Variants in EPS8L3 observed in about 807,000 individuals in gnomAD.
EPS8L3 encodes the protein epidermal growth factor receptor kinase substrate 8-like protein 3.
A neutral mutation model predicts 88.5 loss-of-function variants in EPS8L3; 80 were observed. That is an observed-to-expected ratio of 0.90 (90% CI 0.75 to 1.09). The LOEUF is 1.09. Among genes scored for constraint, EPS8L3 ranks in the 50% least tolerant of loss-of-function variants. EPS8L3 has a pLI of 0.00. For synonymous variants in EPS8L3, 286 were observed against 291.0 expected, an observed-to-expected ratio of 0.98 and a Z score of 0.18; for missense variants, 721 against 735.2, an observed-to-expected ratio of 0.98 and a Z score of 0.22.
At position 109,750,260 on chromosome 1, in the gene EPS8L3, C is replaced by A; in HGVS notation, c.*131G>T. 1 of 1,111,384 alleles carries A rather than the reference C, an allele frequency of 9.0e-7. No homozygotes were observed. The highest frequency in any genetic ancestry group is 1.3e-6 in the Non-Finnish European group (1 of 756,408). The allele number at this position is 1,111,384 out of a possible 1,614,324, so 68.8% of individuals were successfully genotyped here. A position where few individuals can be genotyped will look rare whatever the true frequency, so the allele number is the denominator to read the frequency against. On this transcript the variant is annotated 3_prime_UTR_variant, in exon 19 of 19. Coordinates refer to ENST00000361965, the MANE Select transcript of EPS8L3 (RefSeq NM_133181.4). ...CCTCTGGGCCTGTCCATTGTTTTTG[C>A]TGTGTGAGCTGGGGTGTGGGGTTTG...
At chr1:109,750,591 C>A (rs916874218) in intron 18 of EPS8L3, 69 bp downstream of exon 18, 18 of 1,607,746 alleles carry the variant, frequency 1.1e-5, no homozygotes, top group Non-Finnish European at 1.5e-5. Flanking sequence ...GCTTTTCCAA[C>A]TGGCCCTCTC....
chr1:109,758,019 T>G lies in EPS8L3; in HGVS notation c.757A>C (p.Met253Leu). ...NHVLRDIELF[M>L]GKLEKAQAKT... ...GCCTGGGCCTTCTCCAGCTTTCCCA[T>G]GAACAGCTCAATGTCCCTTAGGACA... Residue 253 changes from methionine to leucine, a missense_variant, in exon 9 of 19, where the codon ATG becomes CTG. Physicochemically the swap from Met to Leu is conservative, Grantham distance 15. Coordinates refer to ENST00000361965, the MANE Select transcript of EPS8L3 (RefSeq NM_133181.4). 1 of 1,614,196 alleles carries G rather than the reference T, an allele frequency of 6.2e-7. No individual in the cohort carries two copies.
Position 109,759,936 on chromosome 1 carries a change from C to T in EPS8L3, c.97-100G>A. The T allele has an allele frequency of 1.5e-6, 2 of 1,311,304 alleles. No individual in the cohort carries two copies. Among genetic ancestry groups the T allele is most frequent in the Non-Finnish European group, 2.1e-6 (2 of 953,076 alleles). 81.2% of individuals were successfully genotyped at this position (1,311,304 alleles called of 1,614,324 possible). A position where few individuals can be genotyped will look rare whatever the true frequency, so the allele number is the denominator to read the frequency against. On this transcript the variant is annotated intron_variant, in intron 3 of 18. Transcript: ENST00000361965. This position sits in a 1 kb window ranked among gnomAD's most constrained non-coding sequence, Gnocchi z 4.2. ...AAGCAGAAGAGGAAGAAGACGTGTC[C>T]TCGGCCCCCTTGAGGTAGGAGGTTC...
chr1:109,757,448 C>T, intron 11 of EPS8L3, 33 bp downstream of exon 11: 1 of 1,596,924 alleles, frequency 6.3e-7, no homozygotes, highest in Non-Finnish European at 8.6e-7. Context: ...TTCAGCCTGT[C>T]CGTCTTCACC....
At chr1:109,762,280 ATG>A (rs770194588) in intron 1 of EPS8L3, among the ~76,000 whole-genome samples, 15 of 152,178 alleles carry the variant, frequency 9.9e-5, no homozygotes, top group Admixed American at 3.9e-4. Context: ...GACTGCATGC[ATG>A]TGTGTGTGTA....
intron 11 of EPS8L3, 60 bp downstream of exon 11, chr1:109,757,421 C>T (rs1570691661): frequency 6.6e-7 from 1 of 1,523,106 alleles, no homozygotes; most frequent in South Asian, 1.1e-5. Context: ...CCTTTCCTCT[C>T]TCTACTCCTT....
Position 109,761,788 on chromosome 1 carries a change from G to A in EPS8L3, c.-24-15C>T, listed in dbSNP as rs1242281773. On this transcript the variant is annotated splice_polypyrimidine_tract_variant and intron_variant, in intron 1 of 18. Coordinates refer to ENST00000361965, the MANE Select transcript of EPS8L3 (RefSeq NM_133181.4). Reference sequence around the variant, plus strand: ...AGGACGGCTCCCTAGAACCCAAAGTGAACCAGAGGCAGCCATCAGAGCTGG... The same window carrying A: ...AGGACGGCTCCCTAGAACCCAAAGTAAACCAGAGGCAGCCATCAGAGCTGG... 6.2e-7 allele frequency: 1 copy of A among 1,613,136 alleles called. No individual in the cohort carries two copies.
intron 18 of EPS8L3, 56 bp downstream of exon 18, chr1:109,750,604 T>C: frequency 6.2e-7 from 1 of 1,610,934 alleles, no homozygotes; most frequent in African/African-American, 1.3e-5. Context: ...GCCCTCTCTC[T>C]CACCCAGGAG....
In EPS8L3 at chr1:109,750,342, C is replaced by T; in HGVS notation, c.*49G>A. 6.2e-7 allele frequency: 1 copy of T among 1,611,048 alleles called. No individual in the cohort carries two copies. Among genetic ancestry groups the T allele is most frequent in the Non-Finnish European group, 8.5e-7 (1 of 1,178,180 alleles). ...GGGGCTCTAATGGGTATCAGATCTG[C>T]CATCTTGCATCAGCGGGGCCTGGTT... On this transcript the variant is annotated 3_prime_UTR_variant, in exon 19 of 19. Transcript: ENST00000361965.
Position 109,758,579 on chromosome 1 carries a change from G to C in EPS8L3, c.546C>G (p.Arg182=). The part of the protein sequence containing the change: ...MERPLPMEQA[R]YLEPGIPPEQ... ...CTGGAGGGATCCCCGGCTCCAGATA[G>C]CGTGCCTGCTCCATAGGGAGCGGCC... Residue 182 remains arginine (R), a synonymous_variant, in exon 7 of 19, where the codon CGC becomes CGG. Transcript: ENST00000361965. The C allele has an allele frequency of 6.2e-7, 1 of 1,613,478 alleles. No homozygotes were observed. The highest frequency in any genetic ancestry group is 8.5e-7 in the Non-Finnish European group (1 of 1,179,662).
intron 12 of EPS8L3, among the ~76,000 whole-genome samples, chr1:109,755,066 AAAGG>A (rs1394869153): frequency 6.6e-6 from 1 of 152,256 alleles, no homozygotes; most frequent in African/African-American, 2.4e-5. Flanking sequence ...CCAGCTATAA[AAAGG>A]AAGGCAGTTC....
chr1:109,759,789 C>T lies in EPS8L3; in HGVS notation c.144G>A (p.Glu48=). 2 of 1,614,120 alleles carry T rather than the reference C, an allele frequency of 1.2e-6. No homozygotes were observed. Among genetic ancestry groups the T allele is most frequent in the Non-Finnish European group, 1.7e-6 (2 of 1,180,014 alleles). ...KQGSQRVQGP[E]DALQKLFEMD... ...TCTCGAACAGCTTCTGCAAGGCATC[C>T]TCGGGCCCCTGGACTCTCTGACTCC... The change falls in exon 4 of 19, where the codon GAG becomes GAA. Residue 48 remains glutamate, a synonymous_variant. Coordinates refer to ENST00000361965, the MANE Select transcript of EPS8L3 (RefSeq NM_133181.4). This position sits in a 1 kb window ranked among gnomAD's most constrained non-coding sequence, Gnocchi z 4.2.
intron 12 of EPS8L3, among the ~76,000 whole-genome samples, chr1:109,754,192 A>G (rs1452086857): frequency 6.6e-6 from 1 of 152,086 alleles, no homozygotes; most frequent in Admixed American, 6.6e-5. Context: ...CTGCCTATAT[A>G]TTCTTGTCTC....
At position 109,759,572 on chromosome 1, in the gene EPS8L3, G is replaced by A. The variant is rs1421238951; in HGVS notation, c.255+106C>T. ...CTAGGCTTGGGTGTGTGTTGTATGT[G>A]GGGAGAGTGGCTGCCCTTTGGGGCA... is the stretch of plus-strand genomic sequence containing the variant. On this transcript the variant is annotated intron_variant, in intron 4 of 18. Coordinates refer to ENST00000361965, the MANE Select transcript of EPS8L3 (RefSeq NM_133181.4). The surrounding 1 kb of genome is among the most constrained non-coding windows in gnomAD (Gnocchi z 4.2). 11 of 1,493,148 alleles carry A rather than the reference G, an allele frequency of 7.4e-6. No homozygotes were observed. Among genetic ancestry groups the A allele is most frequent in the Non-Finnish European group, 9.9e-6 (11 of 1,108,722 alleles). 92.5% of individuals were successfully genotyped at this position (1,493,148 alleles called of 1,614,324 possible). A position where few individuals can be genotyped will look rare whatever the true frequency, so the allele number is the denominator to read the frequency against.
intron 6 of EPS8L3, 109 bp downstream of exon 6, chr1:109,758,953 A>G: frequency 8.3e-7 from 1 of 1,203,784 alleles, no homozygotes; most frequent in South Asian, 1.4e-5. Context: ...GTCCAGGCCC[A>G]GGTTGGTTGG....
chr1:109,758,135 C>T (rs1650484459), intron 8 of EPS8L3, 77 bp from the exon 9 acceptor site: 1 of 1,392,878 alleles, frequency 7.2e-7, no homozygotes, highest in African/African-American at 1.4e-5. Flanking sequence ...CCCCCGCACC[C>T]CTCCCCACCA....
chr1:109,762,052 G>T (rs1231586464), intron 1 of EPS8L3, among the ~76,000 whole-genome samples: 1 of 152,184 alleles, frequency 6.6e-6, no homozygotes, highest in African/African-American at 2.4e-5. Context: ...GCCTCCCATG[G>T]TTTGGCTGAT....
chr1:109,750,101 T>C lies in EPS8L3; in HGVS notation c.*290A>G. ...CATGACAAGCTTGAAGATGCTTTTA[T>C]TGAGAAGGAGAGGGACTGAACAGAT... On this transcript the variant is annotated 3_prime_UTR_variant, in exon 19 of 19. Coordinates refer to ENST00000361965, the MANE Select transcript of EPS8L3 (RefSeq NM_133181.4). 2.1e-6 allele frequency: 1 copy of C among 471,960 alleles called. No individual in the cohort carries two copies. Among genetic ancestry groups the C allele is most frequent in the Non-Finnish European group, 3.8e-6 (1 of 265,082 alleles). 29.2% of individuals were successfully genotyped at this position (471,960 alleles called of 1,614,324 possible).
chr1:109,750,549 C>T lies in EPS8L3; in HGVS notation c.1770+111G>A, dbSNP rs904003094. On this transcript the variant is annotated intron_variant, in intron 18 of 18. Transcript: ENST00000361965. ...AATATCCTGTGCCCAGCACCCGCCA[C>T]ACTCAGTTCTGCCCCAGGGCTGGGC... 1.7e-5 allele frequency: 27 copies of T among 1,586,956 alleles called. No individual in the cohort carries two copies. The South Asian group carries it at 2.1e-4, about 13-fold the overall frequency.
Sources: gnomAD v4.1 joint callset for allele counts (sites outside exome capture counted in the v4.1 genomes callset) on GRCh38, gnomAD v4.1.1 for gene constraint, Gnocchi (gnomAD v3.1) non-coding constraint, MANE v1.5 for transcripts, NCBI Gene and HGNC (gene_info 2026-07-23, HGNC 2026-07-21) for gene names.